The following CFDP1 variants were observed in gnomAD, a reference collection of about 807,000 sequenced individuals.
CFDP1 encodes the protein heterochromatin-stabilizing protein CFDP1.
CFDP1 carries 31 observed loss-of-function variants against 40.1 expected under a neutral mutation model. That is an observed-to-expected ratio of 0.77 (90% CI 0.58 to 1.04). The LOEUF (loss-of-function observed/expected upper bound fraction) is 1.04. Among genes scored for constraint, CFDP1 ranks in the 50% least tolerant of loss-of-function variants. CFDP1 has a pLI of 0.00. For synonymous variants in CFDP1, 167 were observed against 120.0 expected, an observed-to-expected ratio of 1.39 and a Z score of -2.56; for missense variants, 423 against 343.4, an observed-to-expected ratio of 1.23 and a Z score of -1.83.
intron 5 of CFDP1, among the ~76,000 whole-genome samples, chr16:75,351,801 A>T (rs994574894): frequency 6.6e-6 from 1 of 151,966 alleles, no homozygotes; most frequent in African/African-American, 2.4e-5. Context: ...TGAGGTCAGG[A>T]GTTCGAGACC....
At chr16:75,400,644 C>G (rs1029711378) in intron 4 of CFDP1, among the ~76,000 whole-genome samples, 3 of 152,182 alleles carry the variant, frequency 2.0e-5, no homozygotes, top group African/African-American at 7.2e-5. Flanking sequence ...ACTCAAAAGG[C>G]ATGGCTGAAG....
intron 1 of CFDP1, among the ~76,000 whole-genome samples, chr16:75,417,753 C>T (rs1238197665): frequency 6.6e-6 from 1 of 151,866 alleles, no homozygotes; most frequent in Non-Finnish European, 1.5e-5. Flanking sequence ...AACAAAAGAT[C>T]TATTCCCAGG....
chr16:75,349,098 G>T (rs2078589943), intron 5 of CFDP1, among the ~76,000 whole-genome samples: 2 of 152,172 alleles, frequency 1.3e-5, no homozygotes, highest in African/African-American at 4.8e-5. Context: ...TAAATTCCTG[G>T]CCTCAAGCAA....
intron 4 of CFDP1, among the ~76,000 whole-genome samples, chr16:75,400,854 C>A (rs994292759): frequency 6.6e-6 from 1 of 152,202 alleles, no homozygotes; most frequent in South Asian, 2.1e-4. Flanking sequence ...TCAGCCTAGA[C>A]TGCCCTGGCC....
intron 5 of CFDP1, among the ~76,000 whole-genome samples, chr16:75,390,545 G>A (rs564076109): frequency 6.6e-6 from 1 of 152,082 alleles, no homozygotes; most frequent in East Asian, 1.9e-4. Context: ...TGCTGTATTC[G>A]GAGTTGAGCA....
chr16:75,300,518 C>A (rs955151504), intron 6 of CFDP1, among the ~76,000 whole-genome samples: 2 of 152,168 alleles, frequency 1.3e-5, no homozygotes, highest in Non-Finnish European at 2.9e-5. Context: ...AACTCCTGAC[C>A]TCAGGTTATC....
At chr16:75,300,302 T>G (rs911112085) in intron 6 of CFDP1, among the ~76,000 whole-genome samples, 2 of 152,144 alleles carry the variant, frequency 1.3e-5, no homozygotes, top group Non-Finnish European at 2.9e-5. Context: ...TTTTTCTTTT[T>G]TTGAGACAGA....
intron 5 of CFDP1, among the ~76,000 whole-genome samples, chr16:75,314,208 T>C (rs569469555): frequency 2.0e-4 from 31 of 152,236 alleles, no homozygotes; most frequent in Admixed American, 7.9e-4. Context: ...TATTTGTCTA[T>C]TTGAACAGAA....
intron 5 of CFDP1, among the ~76,000 whole-genome samples, chr16:75,317,229 C>T (rs947129298): frequency 6.6e-6 from 1 of 152,206 alleles, no homozygotes; most frequent in African/African-American, 2.4e-5. Context: ...AAAACCTCTT[C>T]TGACCTGCCG....
At chr16:75,421,172 T>G (rs1264606594) in intron 1 of CFDP1, among the ~76,000 whole-genome samples, 2 of 152,190 alleles carry the variant, frequency 1.3e-5, no homozygotes, top group African/African-American at 4.8e-5. Context: ...CTTCTTCCTG[T>G]GTGCAACCTG....
intron 5 of CFDP1, among the ~76,000 whole-genome samples, chr16:75,350,737 T>C (rs1199407432): frequency 1.3e-5 from 2 of 152,130 alleles, no homozygotes; most frequent in East Asian, 1.9e-4. Flanking sequence ...TACAATGAAA[T>C]ACTTTGCATC....
chr16:75,378,092 T>C (rs1020872394), intron 5 of CFDP1, among the ~76,000 whole-genome samples: 3 of 152,164 alleles, frequency 2.0e-5, no homozygotes, highest in African/African-American at 7.2e-5. Flanking sequence ...TACCATGTGC[T>C]TCCTTTCTGA....
intron 5 of CFDP1, among the ~76,000 whole-genome samples, chr16:75,391,890 C>T (rs2078954757): frequency 1.3e-5 from 2 of 151,860 alleles, no homozygotes; most frequent in South Asian, 4.1e-4. Flanking sequence ...ACTGCTTGAA[C>T]CCAGGAGGTG....
chr16:75,347,343 C>CAAAAAAAAAA (rs762900031), intron 5 of CFDP1, among the ~76,000 whole-genome samples: 1 of 91,624 alleles, frequency 1.1e-5, no homozygotes, highest in Admixed American at 1.6e-4. Context: ...GACTCCATCT[C>CAAAAAAAAAA]AAAAAAAAAA....
intron 2 of CFDP1, among the ~76,000 whole-genome samples, chr16:75,413,161 T>C (rs1398854160): frequency 2.0e-5 from 3 of 152,188 alleles, no homozygotes; most frequent in South Asian, 2.1e-4. Flanking sequence ...ACAAGTTCTA[T>C]TTAGAAGAGC....
intron 5 of CFDP1, among the ~76,000 whole-genome samples, chr16:75,309,591 C>T (rs1433608077): frequency 2.0e-5 from 3 of 152,028 alleles, no homozygotes; most frequent in Non-Finnish European, 4.4e-5. Context: ...GAAGCCGAGG[C>T]GGGCGGATCA....
intron 5 of CFDP1, among the ~76,000 whole-genome samples, chr16:75,343,796 C>A (rs1297898036): frequency 3.3e-5 from 5 of 152,148 alleles, no homozygotes; most frequent in Non-Finnish European, 7.3e-5. Flanking sequence ...TCATCTCGCG[C>A]ATGAAAGGCT....
chr16:75,387,748 C>T (rs2078911714), intron 5 of CFDP1, among the ~76,000 whole-genome samples: 1 of 152,160 alleles, frequency 6.6e-6, no homozygotes, highest in African/African-American at 2.4e-5. Flanking sequence ...GCCATTATTC[C>T]CCACATCACA....
At chr16:75,367,164 C>CAAA (rs35018865) in intron 5 of CFDP1, among the ~76,000 whole-genome samples, 1 of 86,960 alleles carries the variant, frequency 1.1e-5, no homozygotes, top group African/African-American at 4.6e-5. Flanking sequence ...GACTCCATCT[C>CAAA]AAAAAAAAAA....
Sources: gnomAD v4.1 joint callset for allele counts (sites outside exome capture counted in the v4.1 genomes callset) on GRCh38, gnomAD v4.1.1 for gene constraint, MANE v1.5 for transcripts, NCBI Gene and HGNC (gene_info 2026-07-23, HGNC 2026-07-21) for gene names.